Variants in FIGLA observed in about 807,000 individuals in gnomAD.
FIGLA encodes folliculogenesis specific bHLH transcription factor, also known as factor in the germline alpha.
FIGLA carries 17 observed loss-of-function variants against 21.5 expected under a neutral mutation model. The ratio of observed to expected loss-of-function variants is 0.79; its 90% CI spans 0.54 to 1.19. The LOEUF (loss-of-function observed/expected upper bound fraction) is 1.19, where lower values mean the gene tolerates loss of function less well. FIGLA is among the 50% of genes most tolerant of loss of function. The probability of loss-of-function intolerance (pLI) is 0.00; values close to 1 mark genes in which losing one functional copy is unlikely to be tolerated. For synonymous variants in FIGLA, 129 were observed against 117.6 expected (o/e 1.10, Z -0.63); for missense variants, 282 against 285.0 (o/e 0.99, Z 0.08).
At chr2:70,779,876 C>T (rs1307078462) in intron 3 of FIGLA, among the ~76,000 whole-genome samples, 3 of 152,124 alleles carry the variant, frequency 2.0e-5, no homozygotes, top group African/African-American at 7.2e-5. Context: ...GAACCATAAC[C>T]ACGAGTGGCA....
At chr2:70,785,974 A>T (rs1158780763) in intron 2 of FIGLA, among the ~76,000 whole-genome samples, 1 of 152,236 alleles carries the variant, frequency 6.6e-6, no homozygotes, top group Non-Finnish European at 1.5e-5. Flanking sequence ...GACCATACCA[A>T]AACCCAACCA....
At chr2:70,779,330 C>G (rs1231793458) in intron 3 of FIGLA, among the ~76,000 whole-genome samples, 2 of 152,180 alleles carry the variant, frequency 1.3e-5, no homozygotes, top group Non-Finnish European at 2.9e-5. Flanking sequence ...TGGTGAACCC[C>G]AGGGCAGATG....
At chr2:70,789,474 A>G (rs1553390513) in intron 1 of FIGLA, among the ~76,000 whole-genome samples, 1 of 152,148 alleles carries the variant, frequency 6.6e-6, no homozygotes, top group Admixed American at 6.5e-5. Context: ...TAGTACTGGT[A>G]AAAGAGGAGA....
Position 70,790,458 on chromosome 2 carries a change from G to A in FIGLA, c.181C>T (p.Gln61Ter). 6.5e-7 allele frequency: 1 copy of A among 1,545,444 alleles called. No individual in the cohort carries two copies. The highest frequency in any genetic ancestry group is 1.2e-5 in the South Asian group (1 of 83,754). ...ACACGCCGCCGCTCCAGCACCAACT[G>A]GAGGTTTTCAGTGGACGAGTAGCCG... ...SGGYSSTENLQLVLERRRVAN... is the reference protein window; with the variant it reads ...SGGYSSTENL Residue 61 changes from glutamine (Q) to a stop codon, truncating the protein, a stop_gained, in exon 1 of 5, where the codon CAG becomes TAG. Transcript: ENST00000332372. LOFTEE classifies it high-confidence loss of function.
At chr2:70,780,619 C>T (rs540151203) in intron 3 of FIGLA, among the ~76,000 whole-genome samples, 7 of 152,076 alleles carry the variant, frequency 4.6e-5, no homozygotes, top group South Asian at 4.1e-4. Flanking sequence ...ATTGAATAAT[C>T]GCTCAACTCA....
chr2:70,787,554 G>C (rs1165176625), intron 2 of FIGLA, 95 bp downstream of exon 2: 2 of 1,265,778 alleles, frequency 1.6e-6, no homozygotes, highest in African/African-American at 3.0e-5. Flanking sequence ...AACCTTAAGT[G>C]GAAAGTATAC....
chr2:70,779,513 G>A (rs1344177010), intron 3 of FIGLA, among the ~76,000 whole-genome samples: 2 of 152,128 alleles, frequency 1.3e-5, no homozygotes, highest in Non-Finnish European at 2.9e-5. Flanking sequence ...TCATTTCAGA[G>A]CTTAAAATGC....
intron 1 of FIGLA, among the ~76,000 whole-genome samples, chr2:70,789,249 CTT>C (rs1553390479): frequency 6.6e-6 from 1 of 152,066 alleles, no homozygotes; most frequent in African/African-American, 2.4e-5. Context: ...TGTTGTGTCT[CTT>C]AACTTCTTCA....
intron 3 of FIGLA, among the ~76,000 whole-genome samples, chr2:70,784,953 A>AG (rs1302110717): frequency 6.6e-6 from 1 of 151,776 alleles, no homozygotes; most frequent in African/African-American, 2.4e-5. Flanking sequence ...CACAAAAAAA[A>AG]AAAAAAAGTA....
chr2:70,777,347 A>G lies in FIGLA; in HGVS notation c.*20T>C. 1 of 1,476,668 alleles carries G rather than the reference A, an allele frequency of 6.8e-7. No individual in the cohort carries two copies. Among genetic ancestry groups the G allele is most frequent in the African/African-American group, 1.4e-5 (1 of 70,816 alleles). 91.5% of individuals were successfully genotyped at this position (1,476,668 alleles called of 1,614,324 possible). A position where few individuals can be genotyped will look rare whatever the true frequency, so the allele number is the denominator to read the frequency against. On this transcript the variant is annotated 3_prime_UTR_variant, in exon 5 of 5. Coordinates refer to ENST00000332372, the MANE Select transcript of FIGLA (RefSeq NM_001004311.3). ...TGCATTTATTTGTCTCTAGAAGGTA[A>G]CCCTGGGCCTTTTCATTTTTCATAC...
chr2:70,787,629 C>G lies in FIGLA; in HGVS notation c.384+20G>C. On this transcript the variant is annotated intron_variant, in intron 2 of 4. Coordinates refer to ENST00000332372, the MANE Select transcript of FIGLA (RefSeq NM_001004311.3). Reference sequence around the variant, plus strand: ...CTAATAAATGGTGGCTATCATTATTCTAAAATCTTACACCTTTACCTTTGA... The same window carrying G: ...CTAATAAATGGTGGCTATCATTATTGTAAAATCTTACACCTTTACCTTTGA... The G allele has an allele frequency of 6.4e-7, 1 of 1,551,130 alleles. No homozygotes were observed. Among genetic ancestry groups the G allele is most frequent in the Non-Finnish European group, 8.7e-7 (1 of 1,146,904 alleles).
chr2:70,781,863 T>G (rs970575413), intron 3 of FIGLA, among the ~76,000 whole-genome samples: 1 of 152,158 alleles, frequency 6.6e-6, no homozygotes, highest in South Asian at 2.1e-4. Context: ...CAGTTCTGCA[T>G]CTGGATTGCA....
At chr2:70,787,899 T>G in intron 1 of FIGLA, 98 bp from the exon 2 acceptor site, 1 of 1,272,814 alleles carries the variant, frequency 7.9e-7, no homozygotes. Flanking sequence ...CCTCCTTGTC[T>G]GAGTGGCAAA....
At chr2:70,790,324 T>G in intron 1 of FIGLA, 84 bp downstream of exon 1, 1 of 1,365,992 alleles carries the variant, frequency 7.3e-7, no homozygotes, top group South Asian at 1.6e-5. Context: ...GGGTGGGCGG[T>G]GAGCGGACCC....
intron 2 of FIGLA, among the ~76,000 whole-genome samples, chr2:70,786,752 T>G (rs1675964281): frequency 6.6e-6 from 1 of 152,102 alleles, no homozygotes; most frequent in Non-Finnish European, 1.5e-5. Context: ...ACATGGTGCT[T>G]CCCCCAGTCC....
intron 3 of FIGLA, 45 bp from the exon 4 acceptor site, chr2:70,777,716 T>A (rs1553388541): frequency 1.9e-6 from 2 of 1,032,814 alleles, no homozygotes; most frequent in Admixed American, 4.0e-5. Context: ...ACACATCGGT[T>A]ATTTGTCACG....
intron 3 of FIGLA, among the ~76,000 whole-genome samples, chr2:70,777,947 C>A (rs924609997): frequency 6.6e-5 from 10 of 152,130 alleles, no homozygotes; most frequent in Non-Finnish European, 1.5e-4. Context: ...ATCATTTTGT[C>A]TCTGCTCAAT....
chr2:70,788,143 G>A (rs1373775913), intron 1 of FIGLA, among the ~76,000 whole-genome samples: 3 of 152,198 alleles, frequency 2.0e-5, no homozygotes, highest in Non-Finnish European at 4.4e-5. Flanking sequence ...TAAAATCCAG[G>A]TCTATCATTT....
intron 3 of FIGLA, among the ~76,000 whole-genome samples, chr2:70,782,624 G>C (rs1675875773): frequency 6.6e-6 from 1 of 152,214 alleles, no homozygotes; most frequent in Non-Finnish European, 1.5e-5. Flanking sequence ...GCTATGCAGG[G>C]GAATGTCCTG....
Sources: gnomAD v4.1 joint callset for allele counts (sites outside exome capture counted in the v4.1 genomes callset) on GRCh38, gnomAD v4.1.1 for gene constraint, MANE v1.5 for transcripts, NCBI Gene and HGNC (gene_info 2026-07-23, HGNC 2026-07-21) for gene names.